The following CCDC187 variants were observed in gnomAD, a reference collection of about 807,000 sequenced individuals.
CCDC187 encodes the protein coiled-coil domain containing 187.
A neutral mutation model predicts 38.0 loss-of-function variants in CCDC187; 32 were observed. The ratio of observed to expected loss-of-function variants is 0.84; its 90% CI spans 0.64 to 1.13. The LOEUF is 1.13. Among genes scored for constraint, CCDC187 ranks in the 50% most tolerant of loss-of-function variants. CCDC187 has a pLI of 0.00. For synonymous variants in CCDC187, 333 were observed against 347.9 expected, an observed-to-expected ratio of 0.96 and a Z score of 0.48; for missense variants, 707 against 786.8, an observed-to-expected ratio of 0.90 and a Z score of 1.21.
Position 136,290,818 on chromosome 9 carries a change from G to C in CCDC187, c.1795C>G (p.His599Asp), listed in dbSNP as rs1480008084. Residue 599 changes from histidine to aspartate, a missense_variant, in exon 6 of 26, where the codon CAT (histidine) becomes GAT (aspartate). Physicochemically the swap from His to Asp is moderately conservative, Grantham distance 81 (BLOSUM62 -1). Coordinates refer to ENST00000638797, the MANE Select transcript of CCDC187 (RefSeq NM_001378188.1). ...GIGSPVSAAK[H>D]ALPRPTGSFP... ...CTCCCGGTGGGCCTTGGCAGGGCAT[G>C]CTTGGCAGCCGAGACGGGGGAGCCG... 2.5e-6 allele frequency: 1 copy of C among 398,440 alleles called. No individual in the cohort carries two copies. Among genetic ancestry groups the C allele is most frequent in the South Asian group, 1.3e-4 (1 of 7,866 alleles). The allele number at this position is 398,440 out of a possible 1,614,324, so 24.7% of individuals were successfully genotyped here.
intron 7 of CCDC187, 76 bp from the exon 8 acceptor site, chr9:136,286,771 G>A: frequency 2.5e-6 from 1 of 398,182 alleles, no homozygotes; most frequent in African/African-American, 2.1e-5. Flanking sequence ...CGCGTGTTTT[G>A]CAGGTGTGAG....
chr9:136,256,483 C>T (rs747524740), intron 23 of CCDC187, among the ~76,000 whole-genome samples, 160 bp from the exon 24 acceptor site: 2 of 151,786 alleles, frequency 1.3e-5, no homozygotes, highest in Non-Finnish European at 2.9e-5. Flanking sequence ...AGATTCCCCT[C>T]CTCCCATTGG....
intron 1 of CCDC187, among the ~76,000 whole-genome samples, 175 bp downstream of exon 1, chr9:136,303,513 A>C (rs2131373265): frequency 6.6e-6 from 1 of 152,346 alleles, no homozygotes; most frequent in East Asian, 1.9e-4. Flanking sequence ...CCCGATTTAC[A>C]GATGGAGAAA....
Position 136,303,244 on chromosome 9 carries a change from C to T in CCDC187, c.193G>A (p.Gly65Arg), listed in dbSNP as rs1358566144. Residue 65 changes from glycine to arginine, a missense_variant, in exon 2 of 26, where the codon GGG becomes AGG. Gly to Arg is a moderately radical substitution (Grantham distance 125). Transcript: ENST00000638797. The stretch of plus-strand genomic sequence containing the variant: ...GGTGGGTCTGGCTGCTGGGAGGGCC[C>T]GGGCCACCTCAGGGCTGCCACGTCA... ...EDDVAALRWP[G>R]PSQQPDPPWA... 2.0e-5 allele frequency: 8 copies of T among 397,976 alleles called. No homozygotes were observed. Among genetic ancestry groups the T allele is most frequent in the Admixed American group, 4.4e-5 (1 of 22,718 alleles). The allele number at this position is 397,976 out of a possible 1,614,324, so 24.7% of individuals were successfully genotyped here.
intron 17 of CCDC187, among the ~76,000 whole-genome samples, chr9:136,265,283 C>T (rs1381785157): frequency 1.3e-5 from 2 of 152,180 alleles, no homozygotes; most frequent in Admixed American, 6.5e-5. Flanking sequence ...CCACATGTGC[C>T]CCCAGCACCG....
At position 136,251,291 on chromosome 9, in the gene CCDC187, C is replaced by A; in HGVS notation, c.*2303G>T. 9.0e-6 allele frequency: 3 copies of A among 334,080 alleles called. No homozygotes were observed. The highest frequency in any genetic ancestry group is 1.8e-5 in the Non-Finnish European group (3 of 167,478). The allele number at this position is 334,080 out of a possible 1,614,324, so 20.7% of individuals were successfully genotyped here. A position where few individuals can be genotyped will look rare whatever the true frequency, so the allele number is the denominator to read the frequency against. Reference sequence around the variant, plus strand: ...CACCAGGAGAAATCAGCTGCCCTGGCCTTCCAGGCACAGCAAGTCCTGAGC... The same window carrying A: ...CACCAGGAGAAATCAGCTGCCCTGGACTTCCAGGCACAGCAAGTCCTGAGC... On this transcript the variant is annotated 3_prime_UTR_variant, in exon 26 of 26. Coordinates refer to ENST00000638797, the MANE Select transcript of CCDC187 (RefSeq NM_001378188.1).
At chr9:136,268,018 T>C in intron 15 of CCDC187, 31 bp downstream of exon 15, 2 of 985,236 alleles carry the variant, frequency 2.0e-6, no homozygotes, top group Non-Finnish European at 1.2e-6. Context: ...CCTGAAATTG[T>C]GCCTCTCCCC....
chr9:136,260,322 C>T (rs1167009683), intron 19 of CCDC187, 58 bp from the exon 20 acceptor site: 2 of 984,048 alleles, frequency 2.0e-6, no homozygotes, highest in East Asian at 1.1e-4. Context: ...TCCCAGGTGT[C>T]CAGCCCTGGC....
At position 136,303,203 on chromosome 9, in the gene CCDC187, G is replaced by A. The variant is rs1166131648; in HGVS notation, c.234C>T (p.His78=). Residue 78 remains histidine (H), a synonymous_variant, in exon 2 of 26, where the codon CAC becomes CAT. Coordinates refer to ENST00000638797, the MANE Select transcript of CCDC187 (RefSeq NM_001378188.1). ...CCTTGAGGTCGTCAGACCCGACCAC[G>A]TGGGGAGCTGCCCAGGGTGGGTCTG... ...QQPDPPWAAP[H]VVGSDDLKEP... 22 of 398,462 alleles carry A rather than the reference G, an allele frequency of 5.5e-5. No homozygotes were observed. The highest frequency in any genetic ancestry group is 6.2e-4 in the Middle Eastern group (1 of 1,612). 24.7% of individuals were successfully genotyped at this position (398,462 alleles called of 1,614,324 possible). A position where few individuals can be genotyped will look rare whatever the true frequency, so the allele number is the denominator to read the frequency against.
At chr9:136,266,285 G>C (rs1289250673) in intron 16 of CCDC187, 1 of 153,132 alleles carries the variant, frequency 6.5e-6, no homozygotes, top group Non-Finnish European at 1.5e-5. Flanking sequence ...TGGGTCTAAA[G>C]AGACAAAGGC....
At position 136,251,019 on chromosome 9, in the gene CCDC187, G is replaced by T. The variant is rs1294750801; in HGVS notation, c.*2575C>A. 2.2e-6 allele frequency: 1 copy of T among 456,142 alleles called. No homozygotes were observed. The highest frequency in any genetic ancestry group is 2.0e-5 in the African/African-American group (1 of 50,086). The allele number at this position is 456,142 out of a possible 1,614,324, so 28.3% of individuals were successfully genotyped here. ...CTTAGGGCTTTGCCACGCCAGCTTTGTGATGCCTCCCACCAGACTGCATGC... is the reference window on the plus strand; with the variant it reads ...CTTAGGGCTTTGCCACGCCAGCTTTTTGATGCCTCCCACCAGACTGCATGC... On this transcript the variant is annotated 3_prime_UTR_variant, in exon 26 of 26. Transcript: ENST00000638797.
rs975276374 is a variant in CCDC187, at chr9:136,257,622, G to A, written c.4367-781C>T. Among the ~76,000 whole-genome samples the A allele has an allele frequency of 6.6e-6, 1 of 152,134 alleles. No homozygotes were observed. The highest frequency in any genetic ancestry group is 1.5e-5 in the Non-Finnish European group (1 of 68,010). ...GGCCACCGCAGAGCCCTCCCCAGGA[G>A]CACCAGGCCCCCCAGCATTGCACCT... On this transcript the variant is annotated intron_variant, in intron 22 of 25. Transcript: ENST00000638797. The surrounding 1 kb of genome is among the most constrained non-coding windows in gnomAD (Gnocchi z 4.5).
At chr9:136,297,596 A>G (rs1256701671) in intron 4 of CCDC187, 118 bp downstream of exon 4, 4 of 391,828 alleles carry the variant, frequency 1.0e-5, no homozygotes, top group Admixed American at 4.5e-5. Flanking sequence ...CCCTGTGTAC[A>G]TGGCAGTCCG....
intron 2 of CCDC187, among the ~76,000 whole-genome samples, chr9:136,301,475 C>G (rs1419094578): frequency 6.6e-6 from 1 of 151,996 alleles, no homozygotes; most frequent in Non-Finnish European, 1.5e-5. Context: ...GGAAGATGAA[C>G]AGTCCTGGAG....
intron 9 of CCDC187, among the ~76,000 whole-genome samples, chr9:136,281,877 G>A (rs1831052335): frequency 1.3e-5 from 2 of 152,222 alleles, no homozygotes; most frequent in East Asian, 3.9e-4. Context: ...AGGCAGGGGT[G>A]AGCGGGAGGC....
intron 4 of CCDC187, among the ~76,000 whole-genome samples, chr9:136,294,301 C>A (rs911214253): frequency 6.7e-6 from 1 of 149,042 alleles, no homozygotes; most frequent in Admixed American, 6.6e-5. Context: ...CACTCTCACA[C>A]GCTCATATAC....
intron 9 of CCDC187, among the ~76,000 whole-genome samples, chr9:136,285,267 C>A (rs1831147176): frequency 6.6e-6 from 1 of 152,142 alleles, no homozygotes; most frequent in South Asian, 2.1e-4. Flanking sequence ...GCAGCCAGTT[C>A]AGGGGGCATT....
chr9:136,286,571 G>A lies in CCDC187; in HGVS notation c.2347C>T (p.Leu783=), dbSNP rs1181554863. The A allele has an allele frequency of 2.3e-5, 9 of 398,644 alleles. No homozygotes were observed. Among genetic ancestry groups the A allele is most frequent in the Non-Finnish European group, 2.7e-5 (6 of 226,164 alleles). 24.7% of individuals were successfully genotyped at this position (398,644 alleles called of 1,614,324 possible). A position where few individuals can be genotyped will look rare whatever the true frequency, so the allele number is the denominator to read the frequency against. The part of the protein sequence containing the change: ...LLSASPSLGS[L]ELQDLTTRYL... ...CGGGTGGTCAGGTCCTGGAGCTCCA[G>A]GGATCCCAGAGAGGGTGAAGCTGAC... Residue 783 remains leucine (L), a synonymous_variant, in exon 8 of 26, where the codon CTG becomes TTG. Transcript: ENST00000638797.
Position 136,297,710 on chromosome 9 carries a change from T to A in CCDC187, c.832+4A>T, listed in dbSNP as rs1291240396. Reference sequence around the variant, plus strand: ...TGCCAGGGCCCCAAAATAGCAAACCTTACCTTCGTCTTTGTGTTTGTCTTT... The same window carrying A: ...TGCCAGGGCCCCAAAATAGCAAACCATACCTTCGTCTTTGTGTTTGTCTTT... On this transcript the variant is annotated splice_donor_region_variant and intron_variant, in intron 4 of 25. Coordinates refer to ENST00000638797, the MANE Select transcript of CCDC187 (RefSeq NM_001378188.1). The A allele has an allele frequency of 2.5e-6, 1 of 398,742 alleles. No individual in the cohort carries two copies. The highest frequency in any genetic ancestry group is 4.4e-6 in the Non-Finnish European group (1 of 226,140). The allele number at this position is 398,742 out of a possible 1,614,324, so 24.7% of individuals were successfully genotyped here.
Sources: gnomAD v4.1 joint callset for allele counts (sites outside exome capture counted in the v4.1 genomes callset) on GRCh38, gnomAD v4.1.1 for gene constraint, Gnocchi (gnomAD v3.1) non-coding constraint, MANE v1.5 for transcripts, NCBI Gene and HGNC (gene_info 2026-07-23, HGNC 2026-07-21) for gene names.